SPIRE1: variants seen among roughly 807,000 people sequenced by gnomAD.
SPIRE1 encodes spire type actin nucleation factor 1.
Under a neutral mutation model 94.1 loss-of-function variants are expected in SPIRE1, and 40 were observed. The ratio of observed to expected loss-of-function variants is 0.43; its 90% CI spans 0.33 to 0.55. SPIRE1 has a LOEUF of 0.55. Among genes scored for constraint, SPIRE1 ranks in the 20% least tolerant of loss-of-function variants. The pLI, the probability that SPIRE1 is intolerant of heterozygous loss-of-function variation, is 0.06. For synonymous variants in SPIRE1, 376 were observed against 371.7 expected, an observed-to-expected ratio of 1.01 and a Z score of -0.13; for missense variants, 838 against 975.2, an observed-to-expected ratio of 0.86 and a Z score of 1.87.
chr18:12,554,467 GATAAATAAT>G (rs2035444718), intron 2 of SPIRE1, among the ~76,000 whole-genome samples: 1 of 152,062 alleles, frequency 6.6e-6, no homozygotes, highest in Non-Finnish European at 1.5e-5. Context: ...AACCTGAACA[GATAAATAAT>G]AAGTAATGAG....
At chr18:12,484,950 G>C (rs375957720) in intron 9 of SPIRE1, among the ~76,000 whole-genome samples, 1 of 151,876 alleles carries the variant, frequency 6.6e-6, no homozygotes, top group Admixed American at 6.6e-5. Flanking sequence ...TATATTTAAA[G>C]TTTTAATTTA....
At chr18:12,561,604 A>G (rs766058918) in intron 2 of SPIRE1, among the ~76,000 whole-genome samples, 3 of 152,178 alleles carry the variant, frequency 2.0e-5, no homozygotes, top group African/African-American at 7.2e-5. Flanking sequence ...CAGCACTATC[A>G]TCACCTCACA....
intron 12 of SPIRE1, 95 bp from the exon 13 acceptor site, chr18:12,454,578 C>T: frequency 8.5e-7 from 1 of 1,176,016 alleles, no homozygotes; most frequent in Non-Finnish European, 1.3e-6. Context: ...TTAGTAGCTT[C>T]AGAGAAGAGA....
At chr18:12,626,442 C>G (rs1476249492) in intron 2 of SPIRE1, among the ~76,000 whole-genome samples, 1 of 152,138 alleles carries the variant, frequency 6.6e-6, no homozygotes, top group Non-Finnish European at 1.5e-5. Context: ...ACAGTACAGA[C>G]CCTGTCCTCA....
At chr18:12,491,478 C>T (rs1182187973) in intron 8 of SPIRE1, among the ~76,000 whole-genome samples, 2 of 151,912 alleles carry the variant, frequency 1.3e-5, no homozygotes, top group East Asian at 3.9e-4. Flanking sequence ...TGAACCCACA[C>T]ATATACAGTC....
In SPIRE1 at chr18:12,491,164, A is replaced by C. The variant is rs542794323; in HGVS notation, c.1189+1908T>G. On this transcript the variant is annotated intron_variant, in intron 8 of 16. Transcript: ENST00000409402. ...TATACAAAAACTATGAGACAGAAAC[A>C]AATGGAAGAATAATATTCATGAATT... 1.4e-4 allele frequency among the ~76,000 whole-genome samples: 21 copies of C among 150,736 alleles called. 1 individual carries two copies. The East Asian group carries it at 4.1e-3, about 29-fold the overall frequency.
intron 2 of SPIRE1, among the ~76,000 whole-genome samples, chr18:12,575,929 C>T (rs373102235): frequency 3.2e-4 from 49 of 152,342 alleles, no homozygotes; most frequent in African/African-American, 9.6e-4. Flanking sequence ...GGAGGCCAGA[C>T]GCGGTGGCTC....
intron 8 of SPIRE1, among the ~76,000 whole-genome samples, chr18:12,490,804 A>C (rs2033206124): frequency 6.6e-6 from 1 of 152,240 alleles, no homozygotes; most frequent in Non-Finnish European, 1.5e-5. Flanking sequence ...TAAAGGCCAC[A>C]TATGGAAAGC....
At chr18:12,610,449 C>T (rs894417734) in intron 2 of SPIRE1, among the ~76,000 whole-genome samples, 7 of 152,164 alleles carry the variant, frequency 4.6e-5, no homozygotes, top group African/African-American at 1.7e-4. Context: ...CACCCCTATG[C>T]TCTAAACTTC....
chr18:12,477,704 CAGG>C (rs1336800154), intron 10 of SPIRE1, among the ~76,000 whole-genome samples: 1 of 152,074 alleles, frequency 6.6e-6, no homozygotes, highest in Non-Finnish European at 1.5e-5. Flanking sequence ...TAGTGGTATC[CAGG>C]AGACTTCCTA....
At chr18:12,560,300 A>T (rs1409568997) in intron 2 of SPIRE1, among the ~76,000 whole-genome samples, 9 of 152,214 alleles carry the variant, frequency 5.9e-5, no homozygotes, top group Non-Finnish European at 1.2e-4. Context: ...TTACTGCAGC[A>T]CTATTTACAA....
intron 2 of SPIRE1, among the ~76,000 whole-genome samples, chr18:12,584,599 A>G (rs1177320051): frequency 6.6e-6 from 1 of 152,152 alleles, no homozygotes. Context: ...GGTGAAAATA[A>G]TAAATCCATA....
intron 1 of SPIRE1, among the ~76,000 whole-genome samples, chr18:12,653,753 C>A (rs1472537103): frequency 6.6e-6 from 1 of 152,014 alleles, no homozygotes; most frequent in Non-Finnish European, 1.5e-5. Context: ...TCGTGACCAG[C>A]CTGGGCAACA....
At position 12,640,143 on chromosome 18, in the gene SPIRE1, T is replaced by C. The variant is rs555159061; in HGVS notation, c.338-5047A>G. Among the ~76,000 whole-genome samples, 3 of 152,320 alleles carry C rather than the reference T, an allele frequency of 2.0e-5. No individual in the cohort carries two copies. The East Asian group carries it at 5.8e-4, about 29-fold the overall frequency. ...TTAAGGTAGCTACTTATCTTTAAAG[T>C]AGAAACCTCAGCATATGGCTGACTT... On this transcript the variant is annotated intron_variant, in intron 1 of 16. Coordinates refer to ENST00000409402, the MANE Select transcript of SPIRE1 (RefSeq NM_001128626.2).
At chr18:12,615,830 A>T (rs2037292425) in intron 2 of SPIRE1, among the ~76,000 whole-genome samples, 1 of 151,990 alleles carries the variant, frequency 6.6e-6, no homozygotes, top group African/African-American at 2.4e-5. Context: ...ATAAAATAAA[A>T]GAGTCCTCTC....
At chr18:12,520,768 C>T (rs967767293) in intron 4 of SPIRE1, among the ~76,000 whole-genome samples, 1 of 152,026 alleles carries the variant, frequency 6.6e-6, no homozygotes, top group Non-Finnish European at 1.5e-5. Context: ...AACTTAAATG[C>T]CAGAATTTTA....
At chr18:12,594,867 C>CT (rs1249234868) in intron 2 of SPIRE1, among the ~76,000 whole-genome samples, 1 of 152,216 alleles carries the variant, frequency 6.6e-6, no homozygotes, top group East Asian at 1.9e-4. Context: ...CCTCCACTTC[C>CT]TCAGACTATT....
chr18:12,547,667 C>T (rs553216275), intron 2 of SPIRE1, among the ~76,000 whole-genome samples: 6 of 152,292 alleles, frequency 3.9e-5, no homozygotes, highest in African/African-American at 1.2e-4. Flanking sequence ...TGGCAGCCAG[C>T]GTGGTGGCTC....
intron 5 of SPIRE1, among the ~76,000 whole-genome samples, chr18:12,509,473 C>A (rs2033954812): frequency 1.3e-5 from 2 of 152,144 alleles, no homozygotes; most frequent in South Asian, 2.1e-4. Context: ...ACACTTAGAA[C>A]AACACTATCC....
Sources: gnomAD v4.1 joint callset for allele counts (sites outside exome capture counted in the v4.1 genomes callset) on GRCh38, gnomAD v4.1.1 for gene constraint, MANE v1.5 for transcripts, NCBI Gene and HGNC (gene_info 2026-07-23, HGNC 2026-07-21) for gene names.